The following PIK3CB variants were observed in gnomAD, a reference collection of about 807,000 sequenced individuals.
PIK3CB encodes phosphatidylinositol-4,5-bisphosphate 3-kinase catalytic subunit beta.
PIK3CB carries 39 observed loss-of-function variants against 136.8 expected under a neutral mutation model. That is an observed-to-expected ratio of 0.29 (90% confidence interval 0.22 to 0.37). The LOEUF (loss-of-function observed/expected upper bound fraction) is 0.37. Ranked by LOEUF, PIK3CB falls within the 10% of genes least tolerant of loss-of-function variation. The pLI is 1.00. For synonymous variants in PIK3CB, 428 were observed against 436.6 expected, an observed-to-expected ratio of 0.98 and a Z score of 0.25; for missense variants, 868 against 1,275.4, an observed-to-expected ratio of 0.68 and a Z score of 4.87.
rs186928633 is a variant in PIK3CB, at chr3:138,793,499, G to A, written c.-17+2964C>T. Among the ~76,000 whole-genome samples the A allele has an allele frequency of 3.1e-3, 465 of 152,132 alleles. 5 individuals carry two copies. The highest frequency in any genetic ancestry group is 9.3e-3 in the African/African-American group (388 of 41,498). On this transcript the variant is annotated intron_variant, in intron 2 of 23. Transcript: ENST00000674063. ...CACATGCCTATAATTGCAGCTACTC[G>A]GGAAGCTGAGGCAGGAGAATCGCTT...
chr3:138,790,813 C>CAA (rs1166123184), intron 2 of PIK3CB, among the ~76,000 whole-genome samples: 7 of 70,852 alleles, frequency 9.9e-5, no homozygotes, highest in African/African-American at 1.6e-4. Context: ...GACTCCTTCT[C>CAA]AAAAAAAAAA....
chr3:138,705,454 G>A lies in PIK3CB; in HGVS notation c.1531-961C>T, dbSNP rs536211226. Reference sequence around the variant, plus strand: ...CTTTTTCTACTCAGTGTATACTAACGTATATGATTCTTGCCATATTTGAAA... The same window carrying A: ...CTTTTTCTACTCAGTGTATACTAACATATATGATTCTTGCCATATTTGAAA... On this transcript the variant is annotated intron_variant, in intron 11 of 23. Coordinates refer to ENST00000674063, the MANE Select transcript of PIK3CB (RefSeq NM_006219.3). Among the ~76,000 whole-genome samples the A allele has an allele frequency of 5.3e-5, 8 of 152,000 alleles. No homozygotes were observed. In the East Asian group the frequency reaches 1.2e-3, roughly 22 times the overall value.
intron 21 of PIK3CB, among the ~76,000 whole-genome samples, chr3:138,662,202 C>A (rs1427059955): frequency 6.7e-6 from 1 of 148,900 alleles, no homozygotes; most frequent in Non-Finnish European, 1.5e-5. Context: ...TGCTGGTGTG[C>A]TGTACCCATT....
rs2044189272 is a variant in PIK3CB at position 138,698,803 on chromosome 3, A to G, written c.1770+104T>C. 1.1e-5 allele frequency: 7 copies of G among 628,348 alleles called. 1 individual carries two copies. In the South Asian group the frequency reaches 2.0e-4, roughly 18 times the overall value. 38.9% of individuals were successfully genotyped at this position (628,348 alleles called of 1,614,324 possible). ...AAACCTCAAAATTTCTCCTGCTTAAATTATCCTATCTATGAAAATATACCT... is the reference window on the plus strand; with the variant it reads ...AAACCTCAAAATTTCTCCTGCTTAAGTTATCCTATCTATGAAAATATACCT... On this transcript the variant is annotated intron_variant, in intron 13 of 23. Coordinates refer to ENST00000674063, the MANE Select transcript of PIK3CB (RefSeq NM_006219.3).
intron 1 of PIK3CB, among the ~76,000 whole-genome samples, chr3:138,810,191 T>C (rs936644099): frequency 3.3e-5 from 5 of 152,160 alleles, no homozygotes; most frequent in African/African-American, 9.7e-5. Flanking sequence ...CTGATGTAAG[T>C]AAATGATTAA....
At chr3:138,729,667 AG>A (rs1381043917) in intron 8 of PIK3CB, among the ~76,000 whole-genome samples, 1 of 152,176 alleles carries the variant, frequency 6.6e-6, no homozygotes, top group East Asian at 1.9e-4. Flanking sequence ...GCCTTCAGAT[AG>A]GAACTACACC....
intron 19 of PIK3CB, among the ~76,000 whole-genome samples, chr3:138,679,388 C>T (rs954158419): frequency 1.3e-5 from 2 of 151,948 alleles, no homozygotes; most frequent in African/African-American, 4.8e-5. Context: ...CTTGAACTCC[C>T]GGGTTCAAGC....
chr3:138,704,518 G>A, intron 11 of PIK3CB, 25 bp from the exon 12 acceptor site: 1 of 1,512,472 alleles, frequency 6.6e-7, no homozygotes. Flanking sequence ...TAAAGAAAAT[G>A]AATTTTGGCT....
intron 8 of PIK3CB, among the ~76,000 whole-genome samples, chr3:138,731,946 G>A (rs1357460377): frequency 6.6e-6 from 1 of 151,576 alleles, no homozygotes; most frequent in Non-Finnish European, 1.5e-5. Flanking sequence ...TCATGCCACT[G>A]CGCTCTAGCC....
intron 4 of PIK3CB, among the ~76,000 whole-genome samples, chr3:138,745,834 A>G (rs1477136724): frequency 6.6e-6 from 1 of 152,124 alleles, no homozygotes; most frequent in African/African-American, 2.4e-5. Flanking sequence ...ACTAGTCTGC[A>G]TTTGCACAAA....
intron 21 of PIK3CB, among the ~76,000 whole-genome samples, chr3:138,662,299 C>T (rs1207119335): frequency 4.0e-5 from 5 of 125,502 alleles, no homozygotes; most frequent in African/African-American, 1.3e-4. Context: ...GTGTGATGTT[C>T]CCCTTCCTGT....
chr3:138,659,235 A>G (rs1438395799), intron 21 of PIK3CB, among the ~76,000 whole-genome samples: 1 of 152,130 alleles, frequency 6.6e-6, no homozygotes, highest in Non-Finnish European at 1.5e-5. Context: ...ACCCCACTTG[A>G]TAATTATTGG....
intron 1 of PIK3CB, among the ~76,000 whole-genome samples, chr3:138,833,324 C>T (rs1032687724): frequency 2.6e-5 from 4 of 152,058 alleles, no homozygotes; most frequent in Admixed American, 1.3e-4. Context: ...GCCTCGGCCT[C>T]CCAAAGTGCT....
intron 8 of PIK3CB, 68 bp downstream of exon 8, chr3:138,733,293 T>A (rs1457087173): frequency 1.5e-6 from 1 of 652,222 alleles, no homozygotes. Context: ...TGTGACATTA[T>A]TGAGCATATC....
chr3:138,759,028 A>T, intron 3 of PIK3CB, 145 bp downstream of exon 3: 1 of 485,120 alleles, frequency 2.1e-6, no homozygotes, highest in Non-Finnish European at 3.5e-6. Context: ...AAACTAGCTA[A>T]CATAAACTAA....
At chr3:138,756,059 A>G in intron 3 of PIK3CB, 80 bp from the exon 4 acceptor site, 3 of 615,394 alleles carry the variant, frequency 4.9e-6, no homozygotes, top group Non-Finnish European at 2.8e-6. Flanking sequence ...TCACTGCAGC[A>G]CTGTTTGTAA....
chr3:138,737,816 C>T lies in PIK3CB; in HGVS notation c.692G>A (p.Arg231His), dbSNP rs768935937. 42 of 1,608,314 alleles carry T rather than the reference C, an allele frequency of 2.6e-5. No individual in the cohort carries two copies. The highest frequency in any genetic ancestry group is 3.3e-5 in the Non-Finnish European group (39 of 1,176,810). Residue 231 changes from arginine (R) to histidine (H), a missense_variant, in exon 6 of 24, where the codon CGT becomes CAT. Physicochemically the swap from Arg to His is conservative, Grantham distance 29. This residue lies in a region of PIK3CB where 612 missense variants were observed against 801.1 expected (regional missense o/e 0.76). Transcript: ENST00000674063. ...ATCTTCCTTCCCATGAATAGTCAAACGTTTTTGGATTGCCAATTCATTTAC... is the reference window on the plus strand; with the variant it reads ...ATCTTCCTTCCCATGAATAGTCAAATGTTTTTGGATTGCCAATTCATTTAC... Reference protein sequence around the residue: ...IKVNELAIQKRLTIHGKEDEV... With the variant: ...IKVNELAIQKHLTIHGKEDEV...
At chr3:138,712,739 G>T (rs1450746686) in intron 9 of PIK3CB, among the ~76,000 whole-genome samples, 4 of 151,784 alleles carry the variant, frequency 2.6e-5, no homozygotes, top group Admixed American at 2.6e-4. Context: ...GCTAATTTTT[G>T]TCCTTTTAGT....
intron 8 of PIK3CB, among the ~76,000 whole-genome samples, chr3:138,727,847 T>TTTTTG (rs910563083): frequency 2.6e-5 from 4 of 152,144 alleles, no homozygotes; most frequent in Non-Finnish European, 4.4e-5. Context: ...TTTCTTTCTT[T>TTTTTG]TTTTGTTTTG....
Sources: gnomAD v4.1 joint callset for allele counts (sites outside exome capture counted in the v4.1 genomes callset) on GRCh38, gnomAD v4.1.1 for gene constraint, gnomAD v4.1.1 regional missense constraint, MANE v1.5 for transcripts, NCBI Gene and HGNC (gene_info 2026-07-23, HGNC 2026-07-21) for gene names.